The following GRIK2 variants were observed in gnomAD, a reference collection of about 807,000 sequenced individuals.
The protein encoded by GRIK2 is glutamate receptor ionotropic, kainate 2.
Under a neutral mutation model 100.3 loss-of-function variants are expected in GRIK2, and 32 were observed. The observed-to-expected ratio is 0.32, with a 90% confidence interval of 0.24 to 0.43. The LOEUF (loss-of-function observed/expected upper bound fraction) is 0.43, where lower values mean the gene tolerates loss of function less well. Among genes scored for constraint, GRIK2 ranks in the 20% least tolerant of loss-of-function variants. The pLI, the probability that GRIK2 is intolerant of heterozygous loss-of-function variation, is 1.00. For synonymous variants in GRIK2, 417 were observed against 389.4 expected, an observed-to-expected ratio of 1.07 and a Z score of -0.83; for missense variants, 843 against 1,114.9, an observed-to-expected ratio of 0.76 and a Z score of 3.47.
At chr6:101,644,585 G>A (rs1405689919) in intron 4 of GRIK2, among the ~76,000 whole-genome samples, 2 of 151,740 alleles carry the variant, frequency 1.3e-5, no homozygotes, top group African/African-American at 2.4e-5. Flanking sequence ...ACAGGTTGGA[G>A]GCATAAATAG....
At chr6:101,942,842 A>G (rs1000683555) in intron 14 of GRIK2, among the ~76,000 whole-genome samples, 6 of 152,208 alleles carry the variant, frequency 3.9e-5, no homozygotes, top group Non-Finnish European at 8.8e-5. Context: ...TAGCTTGAAC[A>G]TGTGGTAGAA....
chr6:101,506,546 C>T (rs975672201), intron 2 of GRIK2, among the ~76,000 whole-genome samples: 12 of 152,020 alleles, frequency 7.9e-5, no homozygotes, highest in East Asian at 1.9e-4. Context: ...GATGAATATA[C>T]GTGTTGTCCA....
rs565542751 is a variant in GRIK2, at chr6:101,659,955, T to C, written c.542-16668T>C. On this transcript the variant is annotated intron_variant, in intron 4 of 16. Transcript: ENST00000369134. ...ATCTGACGATTATGTGTCTTTGGGG[T>C]TGCTCTTCTCGAAGAGTATCTTTGT... is the stretch of plus-strand genomic sequence containing the variant. Among the ~76,000 whole-genome samples, 19 of 152,256 alleles carry C rather than the reference T, an allele frequency of 1.2e-4. 1 individual carries two copies. In the South Asian group the frequency reaches 3.9e-3, roughly 32 times the overall value.
intron 2 of GRIK2, among the ~76,000 whole-genome samples, chr6:101,494,573 T>C (rs1170521637): frequency 6.6e-6 from 1 of 152,082 alleles, no homozygotes; most frequent in African/African-American, 2.4e-5. Context: ...ACTTGGAATA[T>C]ATTATTTAGC....
intron 2 of GRIK2, among the ~76,000 whole-genome samples, chr6:101,442,046 G>A (rs989855129): frequency 6.6e-6 from 1 of 151,974 alleles, no homozygotes; most frequent in Non-Finnish European, 1.5e-5. Context: ...AGTGGGTGGA[G>A]GTAATTTTAA....
At chr6:101,462,225 G>A (rs557656354) in intron 2 of GRIK2, among the ~76,000 whole-genome samples, 112 of 152,222 alleles carry the variant, frequency 7.4e-4, no homozygotes, top group Non-Finnish European at 1.4e-3. Flanking sequence ...TGACTGCGCC[G>A]GTGTCCCTCA....
chr6:101,622,100 T>C lies in GRIK2; in HGVS notation c.267T>C (p.Phe89=), dbSNP rs777461886. 1.0e-5 allele frequency: 16 copies of C among 1,592,980 alleles called. No individual in the cohort carries two copies. The Admixed American group carries it at 1.7e-4, about 17-fold the overall frequency. Residue 89 remains phenylalanine, a synonymous_variant, in exon 3 of 17, where the codon TTT becomes TTC. Coordinates refer to ENST00000369134, the MANE Select transcript of GRIK2 (RefSeq NM_021956.5). ...DTQKINLYDS[F]EASKKACDQL... ...AGAAGATAAACCTTTATGATAGTTTTGAAGCATCCAAGAAAGGTAATTGAT... is the reference window on the plus strand; with the variant it reads ...AGAAGATAAACCTTTATGATAGTTTCGAAGCATCCAAGAAAGGTAATTGAT...
intron 2 of GRIK2, among the ~76,000 whole-genome samples, chr6:101,405,456 C>T (rs1775545062): frequency 6.6e-6 from 1 of 151,288 alleles, no homozygotes; most frequent in African/African-American, 2.4e-5. Flanking sequence ...TGTTCTATAA[C>T]TGAAAGAAAA....
chr6:101,660,205 T>A (rs78850283), intron 4 of GRIK2, among the ~76,000 whole-genome samples: 2 of 151,440 alleles, frequency 1.3e-5, no homozygotes, highest in Non-Finnish European at 3.0e-5. Context: ...TGTCTTCACA[T>A]TTTTTTTTAT....
chr6:101,820,992 T>G (rs1781918193), intron 10 of GRIK2, among the ~76,000 whole-genome samples: 2 of 152,206 alleles, frequency 1.3e-5, no homozygotes, highest in African/African-American at 4.8e-5. Context: ...TTACACTTTC[T>G]GATTTCTCAA....
chr6:101,770,771 C>A (rs1778350000), intron 7 of GRIK2, among the ~76,000 whole-genome samples: 1 of 152,076 alleles, frequency 6.6e-6, no homozygotes, highest in Non-Finnish European at 1.5e-5. Context: ...TGCATAGTCA[C>A]AATAGGAAGG....
At chr6:101,736,838 C>A (rs189998941) in intron 7 of GRIK2, among the ~76,000 whole-genome samples, 122 of 152,258 alleles carry the variant, frequency 8.0e-4, no homozygotes, top group African/African-American at 2.8e-3. Context: ...ATTTTCTTTT[C>A]TATTGCATTG....
chr6:101,721,141 TACTC>T (rs1453870069), intron 7 of GRIK2, among the ~76,000 whole-genome samples: 1 of 152,082 alleles, frequency 6.6e-6, no homozygotes, highest in Non-Finnish European at 1.5e-5. Context: ...CTTCTATAGG[TACTC>T]AGGACAGTTT....
chr6:101,443,177 A>G (rs2128246774), intron 2 of GRIK2, among the ~76,000 whole-genome samples: 1 of 152,310 alleles, frequency 6.6e-6, no homozygotes, highest in Non-Finnish European at 1.5e-5. Context: ...GATAAGAGGC[A>G]CATAGTTACT....
intron 2 of GRIK2, among the ~76,000 whole-genome samples, chr6:101,563,631 A>T (rs771146951): frequency 5.3e-5 from 8 of 152,208 alleles, no homozygotes; most frequent in Non-Finnish European, 1.0e-4. Context: ...GAGATTTGAT[A>T]AATTATAAAT....
At position 101,863,092 on chromosome 6, in the gene GRIK2, A is replaced by G. The variant is rs79843944; in HGVS notation, c.1524+3599A>G. ...TGAAAATAAATCTCAGATCTGTCCC[A>G]TCTTTAGTTTTTCACCGCCCATGTA... On this transcript the variant is annotated intron_variant, in intron 11 of 16. Coordinates refer to ENST00000369134, the MANE Select transcript of GRIK2 (RefSeq NM_021956.5). Among the ~76,000 whole-genome samples, 977 of 152,220 alleles carry G rather than the reference A, an allele frequency of 6.4e-3. 12 individuals carry two copies. The highest frequency in any genetic ancestry group is 0.023 in the African/African-American group (947 of 41,520).
chr6:102,033,174 C>T (rs536998469), intron 14 of GRIK2, among the ~76,000 whole-genome samples: 7 of 151,142 alleles, frequency 4.6e-5, no homozygotes, highest in Non-Finnish European at 7.4e-5. Context: ...GGAATAGCAT[C>T]TAGCACATGC....
chr6:101,535,073 C>A (rs1469192405), intron 2 of GRIK2, among the ~76,000 whole-genome samples: 2 of 151,586 alleles, frequency 1.3e-5, no homozygotes, highest in Admixed American at 6.6e-5. Flanking sequence ...GCATAATACC[C>A]TACACTCTCT....
At position 101,925,819 on chromosome 6, in the gene GRIK2, G is replaced by T. The variant is rs375055871; in HGVS notation, c.1867+1100G>T. On this transcript the variant is annotated intron_variant, in intron 13 of 16. Transcript: ENST00000369134. ...GTTATAAAATGTTGTTTCTAAAAAA[G>T]GCATCGTGCTATTGCATGTTTAATT... Among the ~76,000 whole-genome samples the T allele has an allele frequency of 2.0e-5, 3 of 151,806 alleles. No individual in the cohort carries two copies. In the East Asian group the frequency reaches 5.8e-4, roughly 29 times the overall value.
Sources: gnomAD v4.1 joint callset for allele counts (sites outside exome capture counted in the v4.1 genomes callset) on GRCh38, gnomAD v4.1.1 for gene constraint, MANE v1.5 for transcripts, NCBI Gene and HGNC (gene_info 2026-07-23, HGNC 2026-07-21) for gene names.